Variants in COL23A1 observed in about 807,000 individuals in gnomAD.
COL23A1 encodes the protein collagen type XXIII alpha 1 chain, also known as collagen alpha-1(XXIII) chain.
In COL23A1, 97 loss-of-function variants were observed where a neutral mutation model predicts 99.3. The observed-to-expected ratio is 0.98, with a 90% CI of 0.83 to 1.16. COL23A1 has a LOEUF of 1.16. Among genes scored for constraint, COL23A1 ranks in the 50% most tolerant of loss-of-function variants. The pLI is 0.00. For synonymous variants in COL23A1, 320 were observed against 308.2 expected, an observed-to-expected ratio of 1.04 and a Z score of -0.40; for missense variants, 762 against 757.4, an observed-to-expected ratio of 1.01 and a Z score of -0.07.
At chr5:178,399,815 T>G (rs1764338649) in intron 2 of COL23A1, among the ~76,000 whole-genome samples, 1 of 152,212 alleles carries the variant, frequency 6.6e-6, no homozygotes, top group African/African-American at 2.4e-5. Context: ...GGCTTCAGAC[T>G]TGGTCTCCAG....
chr5:178,579,780 G>A lies in COL23A1; in HGVS notation c.294+10124C>T, dbSNP rs915684219. ...GCTGAAGTCTTCCCTGCCACTCCAC[G>A]CATCCATCACTTACAGATGTCTACA... On this transcript the variant is annotated intron_variant, in intron 1 of 28. Coordinates refer to ENST00000390654, the MANE Select transcript of COL23A1 (RefSeq NM_173465.4). Among the ~76,000 whole-genome samples, 6 of 152,062 alleles carry A rather than the reference G, an allele frequency of 3.9e-5. No individual in the cohort carries two copies. The South Asian group carries it at 6.2e-4, about 16-fold the overall frequency.
intron 2 of COL23A1, among the ~76,000 whole-genome samples, chr5:178,440,610 ATCTT>A (rs1581395119): frequency 7.1e-6 from 1 of 141,534 alleles, no homozygotes; most frequent in Non-Finnish European, 1.5e-5. Context: ...GACTGTTTTC[ATCTT>A]TCTTTTTTTT....
chr5:178,248,143 G>T, intron 20 of COL23A1, 49 bp downstream of exon 20: 2 of 1,360,874 alleles, frequency 1.5e-6, no homozygotes, highest in Non-Finnish European at 2.1e-6. Flanking sequence ...TCCCCACCCA[G>T]CCTGGACTGG....
In COL23A1 at chr5:178,365,436, T is replaced by C. The variant is rs1762418311; in HGVS notation, c.362-58517A>G. Among the ~76,000 whole-genome samples, 1 of 152,010 alleles carries C rather than the reference T, an allele frequency of 6.6e-6. No individual in the cohort carries two copies. The highest frequency in any genetic ancestry group is 1.5e-5 in the Non-Finnish European group (1 of 67,986). On this transcript the variant is annotated intron_variant, in intron 2 of 28. Transcript: ENST00000390654. The surrounding 1 kb of genome is among the most constrained non-coding windows in gnomAD (Gnocchi z 5.2). ...CCCGGACACTCACGCATTTCAGGTC[T>C]GACGGGTACCCGCCACCCAATCCCT...
At chr5:178,454,376 T>C (rs1460409709) in intron 2 of COL23A1, among the ~76,000 whole-genome samples, 1 of 152,214 alleles carries the variant, frequency 6.6e-6, no homozygotes, top group Non-Finnish European at 1.5e-5. Context: ...ATAGTGCAGA[T>C]AACCTAGGCC....
At chr5:178,344,681 C>CTACCCATT (rs1760861704) in intron 2 of COL23A1, among the ~76,000 whole-genome samples, 3 of 152,116 alleles carry the variant, frequency 2.0e-5, no homozygotes, top group Non-Finnish European at 2.9e-5. Flanking sequence ...ACAAATACAA[C>CTACCCATT]TACCCATTTT....
intron 2 of COL23A1, among the ~76,000 whole-genome samples, chr5:178,371,332 G>A (rs1225916535): frequency 2.0e-5 from 3 of 152,198 alleles, no homozygotes; most frequent in African/African-American, 7.2e-5. Context: ...GAGAGGCTGT[G>A]TGCACTCAGA....
chr5:178,513,701 C>T (rs931058634), intron 2 of COL23A1, among the ~76,000 whole-genome samples: 1 of 151,986 alleles, frequency 6.6e-6, no homozygotes, highest in African/African-American at 2.4e-5. Context: ...GGGTGTAGGA[C>T]TAAGGTCCCC....
intron 9 of COL23A1, among the ~76,000 whole-genome samples, chr5:178,262,617 A>G (rs891817844): frequency 1.3e-5 from 2 of 152,146 alleles, no homozygotes; most frequent in African/African-American, 2.4e-5. Flanking sequence ...AAGGGGTAGT[A>G]GGATGGGGCC....
chr5:178,374,950 T>C (rs1417125574), intron 2 of COL23A1, among the ~76,000 whole-genome samples: 1 of 152,050 alleles, frequency 6.6e-6, no homozygotes, highest in Non-Finnish European at 1.5e-5. Context: ...TGAAAACATA[T>C]ATCCAGAAAA....
intron 2 of COL23A1, among the ~76,000 whole-genome samples, chr5:178,478,441 T>C (rs970609834): frequency 5.3e-5 from 8 of 152,206 alleles, no homozygotes; most frequent in African/African-American, 1.9e-4. Flanking sequence ...ACAACCTACA[T>C]GTCACTTCTT....
chr5:178,259,675 C>T (rs1482478827), intron 12 of COL23A1, 46 bp downstream of exon 12: 3 of 1,569,096 alleles, frequency 1.9e-6, no homozygotes, highest in African/African-American at 2.7e-5. Flanking sequence ...TCTCTCCAGC[C>T]ACTTCCCAAC....
At chr5:178,456,485 G>C (rs1300711727) in intron 2 of COL23A1, among the ~76,000 whole-genome samples, 1 of 152,184 alleles carries the variant, frequency 6.6e-6, no homozygotes, top group East Asian at 1.9e-4. Flanking sequence ...GATCACCTGA[G>C]GTCGGGAGTT....
chr5:178,577,045 G>A (rs768535280), intron 1 of COL23A1, among the ~76,000 whole-genome samples: 57 of 152,084 alleles, frequency 3.7e-4, no homozygotes, highest in Non-Finnish European at 6.8e-4. Flanking sequence ...GCTTCTGCCT[G>A]AGGACTCCCC....
chr5:178,374,024 A>T (rs1489230792), intron 2 of COL23A1, among the ~76,000 whole-genome samples: 1 of 152,106 alleles, frequency 6.6e-6, no homozygotes, highest in Non-Finnish European at 1.5e-5. Flanking sequence ...GTTGATTTGG[A>T]CGCGTTCTCA....
rs146209737 is a variant in COL23A1, at chr5:178,487,709, G to A, written c.361+72973C>T. ...ACTGGGAGGATGGATAAGTGACAGT[G>A]GAGGCAGAGAAACTTCAGTTTAGCT... On this transcript the variant is annotated intron_variant, in intron 2 of 28. Coordinates refer to ENST00000390654, the MANE Select transcript of COL23A1 (RefSeq NM_173465.4). Among the ~76,000 whole-genome samples the A allele has an allele frequency of 9.9e-5, 15 of 152,234 alleles. No homozygotes were observed. The East Asian group carries it at 2.9e-3, about 29-fold the overall frequency.
chr5:178,491,528 A>G (rs907654812), intron 2 of COL23A1, among the ~76,000 whole-genome samples: 5 of 152,036 alleles, frequency 3.3e-5, no homozygotes, highest in African/African-American at 1.2e-4. Context: ...AGGATCCTCA[A>G]AATCTGGCCC....
chr5:178,397,632 A>AT (rs1484301384), intron 2 of COL23A1, among the ~76,000 whole-genome samples: 1 of 152,244 alleles, frequency 6.6e-6, no homozygotes, highest in Admixed American at 6.5e-5. Context: ...TGAGGAGGTT[A>AT]TCTGTGCCTG....
intron 2 of COL23A1, among the ~76,000 whole-genome samples, chr5:178,335,430 G>A (rs966332675): frequency 2.6e-5 from 4 of 152,190 alleles, no homozygotes; most frequent in African/African-American, 7.2e-5. Context: ...CCTGCGCCGG[G>A]AGAAGGAATA....
Sources: gnomAD v4.1 joint callset for allele counts (sites outside exome capture counted in the v4.1 genomes callset) on GRCh38, gnomAD v4.1.1 for gene constraint, Gnocchi (gnomAD v3.1) non-coding constraint, MANE v1.5 for transcripts, NCBI Gene and HGNC (gene_info 2026-07-23, HGNC 2026-07-21) for gene names.